RYR2: variants seen among roughly 807,000 people sequenced by gnomAD.
RYR2 encodes cardiac muscle ryanodine receptor-calcium release channel.
A neutral mutation model predicts 601.1 loss-of-function variants in RYR2; 227 were observed. The observed-to-expected ratio is 0.38, with a 90% confidence interval of 0.34 to 0.42. The LOEUF (loss-of-function observed/expected upper bound fraction) is 0.42, where lower values mean the gene tolerates loss of function less well. RYR2 is among the 10% of genes least tolerant of loss of function. RYR2 has a pLI of 1.00. For synonymous variants in RYR2, 2,223 were observed against 2,175.1 expected (o/e 1.02, Z -0.61); for missense variants, 4,646 against 6,156.5 (o/e 0.75, Z 8.21).
intron 81 of RYR2, among the ~76,000 whole-genome samples, chr1:237,756,721 G>A (rs1374617145): frequency 2.0e-5 from 3 of 152,112 alleles, no homozygotes; most frequent in East Asian, 1.9e-4. Flanking sequence ...GTTCAGCTTC[G>A]AGGGTTATGC....
At chr1:237,216,828 A>G (rs1477604377) in intron 1 of RYR2, among the ~76,000 whole-genome samples, 11 of 152,164 alleles carry the variant, frequency 7.2e-5, no homozygotes, top group Admixed American at 7.2e-4. Context: ...AATATACTAT[A>G]TAGGTATTGC....
In RYR2 at chr1:237,270,397, T is replaced by G. The variant is rs1341764874; in HGVS notation, c.49-100T>G. Reference sequence around the variant, plus strand: ...AGTAGTTTTTACATTCGGCACAGATTTTTAAAATGCACTAAAATAATGTTC... The same window carrying G: ...AGTAGTTTTTACATTCGGCACAGATGTTTAAAATGCACTAAAATAATGTTC... On this transcript the variant is annotated intron_variant, in intron 1 of 104. Transcript: ENST00000366574. 10 of 1,491,788 alleles carry G rather than the reference T, an allele frequency of 6.7e-6. No individual in the cohort carries two copies. In the Admixed American group the frequency reaches 1.4e-4, roughly 21 times the overall value. The allele number at this position is 1,491,788 out of a possible 1,614,324, so 92.4% of individuals were successfully genotyped here.
At chr1:237,559,926 G>A (rs2148188878) in intron 27 of RYR2, among the ~76,000 whole-genome samples, 1 of 152,322 alleles carries the variant, frequency 6.6e-6, no homozygotes, top group East Asian at 1.9e-4. Flanking sequence ...TTCATGGTCA[G>A]CTGATGGTAG....
intron 17 of RYR2, among the ~76,000 whole-genome samples, chr1:237,476,861 T>G (rs1339594655): frequency 6.6e-6 from 1 of 152,202 alleles, no homozygotes; most frequent in Non-Finnish European, 1.5e-5. Flanking sequence ...CTAACTGATT[T>G]GAGTAGTACC....
At chr1:237,573,715 G>A (rs961446476) in intron 29 of RYR2, among the ~76,000 whole-genome samples, 1 of 151,620 alleles carries the variant, frequency 6.6e-6, no homozygotes, top group African/African-American at 2.4e-5. Context: ...GGGAGGCTGA[G>A]GCAGGAGAAT....
In RYR2 at chr1:237,759,718, A is replaced by G. The variant is rs1693256184; in HGVS notation, c.11326-58A>G. ...GAAAGCCTGTTTTGGTTGTTTATTT[A>G]TTTAACAAACAATAAGATTTTTGTT... On this transcript the variant is annotated intron_variant, in intron 82 of 104. Coordinates refer to ENST00000366574, the MANE Select transcript of RYR2 (RefSeq NM_001035.3). The G allele has an allele frequency of 4.8e-6, 5 of 1,043,050 alleles. No individual in the cohort carries two copies. The South Asian group carries it at 6.3e-5, about 13-fold the overall frequency. The allele number at this position is 1,043,050 out of a possible 1,614,324, so 64.6% of individuals were successfully genotyped here.
chr1:237,249,853 T>C (rs912461001), intron 1 of RYR2, among the ~76,000 whole-genome samples: 1 of 152,206 alleles, frequency 6.6e-6, no homozygotes, highest in African/African-American at 2.4e-5. Flanking sequence ...GGGATGATGA[T>C]ACACACAGGT....
intron 34 of RYR2, 116 bp downstream of exon 34, chr1:237,595,773 G>C: frequency 7.9e-7 from 1 of 1,270,550 alleles, no homozygotes; most frequent in Non-Finnish European, 1.0e-6. Flanking sequence ...ATGTGCCCCT[G>C]GTCTGAAAAT....
chr1:237,202,457 G>A (rs546266719), intron 1 of RYR2, among the ~76,000 whole-genome samples: 1 of 152,178 alleles, frequency 6.6e-6, no homozygotes, highest in African/African-American at 2.4e-5. Context: ...GCCTAGGCTG[G>A]AGTGCAGTGG....
At chr1:237,701,087 C>T (rs1687929438) in intron 65 of RYR2, among the ~76,000 whole-genome samples, 1 of 152,244 alleles carries the variant, frequency 6.6e-6, no homozygotes, top group African/African-American at 2.4e-5. Flanking sequence ...CTGCTCAGGA[C>T]ATGAGCCTTT....
In RYR2 at chr1:237,573,231, T is replaced by TACACACACAC. The variant is rs10556537; in HGVS notation, c.3598+3929_3598+3938dup. On this transcript the variant is annotated intron_variant, in intron 29 of 104. Transcript: ENST00000366574. Reference sequence around the variant, plus strand: ...ATTATTATCTATGGAGATATACACATACACACACACACACACACACACACA... The same window carrying TACACACACAC: ...ATTATTATCTATGGAGATATACACATACACACACACACACACACACACACACACACACACA... Among the ~76,000 whole-genome samples, 358 of 148,920 alleles carry TACACACACAC rather than the reference T, an allele frequency of 2.4e-3. 3 individuals are homozygous for TACACACACAC. Among genetic ancestry groups the TACACACACAC allele is most frequent in the African/African-American group, 8.5e-3 (344 of 40,402 alleles).
At chr1:237,255,206 G>A (rs1011553046) in intron 1 of RYR2, among the ~76,000 whole-genome samples, 1 of 152,126 alleles carries the variant, frequency 6.6e-6, no homozygotes, top group Non-Finnish European at 1.5e-5. Flanking sequence ...CATTTTTGTT[G>A]ATGTTACTGT....
chr1:237,384,600 A>G (rs1277459827), intron 8 of RYR2, among the ~76,000 whole-genome samples: 2 of 152,244 alleles, frequency 1.3e-5, no homozygotes, highest in Non-Finnish European at 2.9e-5. Flanking sequence ...ATGGTTTACA[A>G]AAATTTTTGG....
chr1:237,143,764 C>G (rs930974281), intron 1 of RYR2, among the ~76,000 whole-genome samples: 12 of 152,220 alleles, frequency 7.9e-5, no homozygotes, highest in Non-Finnish European at 1.6e-4. Context: ...AACTCAAATA[C>G]CCCCTGTCTG....
At chr1:237,677,207 C>T (rs988730688) in intron 60 of RYR2, among the ~76,000 whole-genome samples, 3 of 152,062 alleles carry the variant, frequency 2.0e-5, no homozygotes, top group Non-Finnish European at 4.4e-5. Flanking sequence ...CAGCTTGGCT[C>T]TTGAATATCT....
At chr1:237,612,023 TG>T (rs1559112349) in intron 36 of RYR2, among the ~76,000 whole-genome samples, 1 of 152,102 alleles carries the variant, frequency 6.6e-6, no homozygotes, top group Non-Finnish European at 1.5e-5. Flanking sequence ...GAACCCCAAA[TG>T]TTCACCAGCT....
intron 1 of RYR2, among the ~76,000 whole-genome samples, chr1:237,244,750 ATGTC>A (rs1686612995): frequency 6.6e-6 from 1 of 151,826 alleles, no homozygotes; most frequent in Admixed American, 6.6e-5. Flanking sequence ...CTCCTCCTGT[ATGTC>A]TGTGTCCTGA....
At chr1:237,769,253 G>A (rs1281864498) in intron 84 of RYR2, among the ~76,000 whole-genome samples, 1 of 152,082 alleles carries the variant, frequency 6.6e-6, no homozygotes, top group African/African-American at 2.4e-5. Flanking sequence ...TCTGATTAAG[G>A]TGACTCATGA....
chr1:237,228,058 T>G (rs1684590034), intron 1 of RYR2, among the ~76,000 whole-genome samples: 5 of 151,986 alleles, frequency 3.3e-5, no homozygotes, highest in African/African-American at 9.7e-5. Flanking sequence ...CTTGTGAGAT[T>G]TTGGTACACC....
Sources: gnomAD v4.1 joint callset for allele counts (sites outside exome capture counted in the v4.1 genomes callset) on GRCh38, gnomAD v4.1.1 for gene constraint, MANE v1.5 for transcripts, NCBI Gene and HGNC (gene_info 2026-07-23, HGNC 2026-07-21) for gene names.